Variants in RPL39L observed in about 807,000 individuals in gnomAD.
RPL39L encodes the protein ribosomal protein eL39-like 2.
For missense variants in RPL39L, 48 were observed against 58.9 expected, an observed-to-expected ratio of 0.81 and a Z score of 0.61; for synonymous variants, 16 against 20.1, an observed-to-expected ratio of 0.80 and a Z score of 0.55.
At position 187,121,118 on chromosome 3, in the gene RPL39L, T is replaced by C; in HGVS notation, c.*27A>G. 1.2e-6 allele frequency: 2 copies of C among 1,611,362 alleles called. No individual in the cohort carries two copies. Among genetic ancestry groups the C allele is most frequent in the Non-Finnish European group, 1.7e-6 (2 of 1,178,814 alleles). On this transcript the variant is annotated 3_prime_UTR_variant, in exon 3 of 3. Transcript: ENST00000296277. ...GATCGTGAACTTGATACAGCATAAA[T>C]ATGTGTGCCATCTCATGTGCAATTC...
chr3:187,121,652 AAAAAG>A (rs754078425), intron 2 of RPL39L, among the ~76,000 whole-genome samples: 1 of 152,206 alleles, frequency 6.6e-6, no homozygotes, highest in South Asian at 2.1e-4. Flanking sequence ...TTCAACTTTA[AAAAAG>A]TTACGAACAG....
chr3:187,129,085 A>C (rs1268041385), intron 1 of RPL39L, among the ~76,000 whole-genome samples: 1 of 152,246 alleles, frequency 6.6e-6, no homozygotes, highest in Non-Finnish European at 1.5e-5. Context: ...GACAGTGATG[A>C]TAGCTTAGCA....
intron 2 of RPL39L, among the ~76,000 whole-genome samples, chr3:187,123,575 T>A (rs1365913684): frequency 1.3e-5 from 2 of 152,166 alleles, no homozygotes; most frequent in Non-Finnish European, 2.9e-5. Flanking sequence ...CAGTGACTAT[T>A]TGGCTCCAAC....
At chr3:187,134,655 T>TG (rs926322075) in intron 1 of RPL39L, among the ~76,000 whole-genome samples, 4 of 152,300 alleles carry the variant, frequency 2.6e-5, no homozygotes, top group African/African-American at 9.6e-5. Flanking sequence ...CGATTCCTTA[T>TG]GAGATGGGTA....
chr3:187,121,023 A>C lies in RPL39L; in HGVS notation c.*122T>G, dbSNP rs74590407. On this transcript the variant is annotated 3_prime_UTR_variant, in exon 3 of 3. Transcript: ENST00000296277. ...CACAGAGCATACAGAAAAACAGAAA[A>C]AAATATTCCCAGTAAAACATGTGCA... The C allele has an allele frequency of 7.2e-3, 8,123 of 1,134,624 alleles. 411 individuals are homozygous for C. In the African/African-American group the frequency reaches 0.11, roughly 15 times the overall value. The allele number at this position is 1,134,624 out of a possible 1,614,324, so 70.3% of individuals were successfully genotyped here. A position where few individuals can be genotyped will look rare whatever the true frequency, so the allele number is the denominator to read the frequency against.
intron 1 of RPL39L, among the ~76,000 whole-genome samples, chr3:187,129,544 C>T (rs1055536910): frequency 6.6e-6 from 1 of 152,214 alleles, no homozygotes; most frequent in African/African-American, 2.4e-5. Context: ...TACAAAAGGA[C>T]ATCCTCACTC....
Position 187,121,336 on chromosome 3 carries a change from G to C in RPL39L, c.-28-8C>G. 1 of 1,608,004 alleles carries C rather than the reference G, an allele frequency of 6.2e-7. No individual in the cohort carries two copies. The highest frequency in any genetic ancestry group is 2.2e-5 in the East Asian group (1 of 44,842). On this transcript the variant is annotated splice_polypyrimidine_tract_variant and splice_region_variant and intron_variant, in intron 2 of 2. Transcript: ENST00000296277. The stretch of plus-strand genomic sequence containing the variant: ...AGAGTCAACCACACACCACTATGGC[G>C]GAGAAAGGGAGAGAGAGACAGAGAC...
intron 2 of RPL39L, 141 bp from the exon 3 acceptor site, chr3:187,121,469 G>A: frequency 1.3e-6 from 1 of 795,212 alleles, no homozygotes; most frequent in Non-Finnish European, 2.0e-6. Flanking sequence ...CCCACAGGCA[G>A]CTCAGGAGCA....
At chr3:187,135,636 C>T (rs1720566598) in intron 1 of RPL39L, among the ~76,000 whole-genome samples, 2 of 152,218 alleles carry the variant, frequency 1.3e-5, no homozygotes, top group Admixed American at 1.3e-4. Flanking sequence ...AAGACTAATA[C>T]AGACGGGTAA....
intron 1 of RPL39L, among the ~76,000 whole-genome samples, chr3:187,132,313 G>C (rs1363327103): frequency 6.6e-6 from 1 of 152,216 alleles, no homozygotes; most frequent in Non-Finnish European, 1.5e-5. Flanking sequence ...TTTGACAAGA[G>C]AGAATACAGA....
chr3:187,127,936 T>C (rs543087167), intron 2 of RPL39L, 63 bp downstream of exon 2: 3 of 152,300 alleles, frequency 2.0e-5, no homozygotes, highest in South Asian at 4.1e-4. Context: ...TTTAACAAAG[T>C]GTCCAATTTT....
intron 1 of RPL39L, among the ~76,000 whole-genome samples, chr3:187,137,678 C>G (rs915829061): frequency 1.3e-5 from 2 of 151,922 alleles, no homozygotes; most frequent in South Asian, 2.1e-4. Context: ...CAAAAATTAG[C>G]CGGGTGTGGT....
intron 1 of RPL39L, among the ~76,000 whole-genome samples, chr3:187,136,126 T>C (rs963919189): frequency 1.6e-4 from 25 of 152,210 alleles, no homozygotes; most frequent in African/African-American, 6.0e-4. Flanking sequence ...CATTTTATAT[T>C]CCATAACTAA....
intron 1 of RPL39L, among the ~76,000 whole-genome samples, chr3:187,134,647 A>T (rs968243510): frequency 6.6e-6 from 1 of 152,206 alleles, no homozygotes; most frequent in Non-Finnish European, 1.5e-5. Context: ...AAATGGACCG[A>T]TTCCTTATGA....
chr3:187,126,984 TTGTGGTACCTG>T (rs1443924707), intron 2 of RPL39L, among the ~76,000 whole-genome samples: 1 of 152,212 alleles, frequency 6.6e-6, no homozygotes, highest in African/African-American at 2.4e-5. Flanking sequence ...GGGCCCAAAC[TTGTGGTACCTG>T]CAGGTACCCA....
chr3:187,137,198 CA>C (rs33967617), intron 1 of RPL39L, among the ~76,000 whole-genome samples: 2,480 of 37,550 alleles, frequency 0.066, 60 homozygotes, highest in African/African-American at 0.18. Flanking sequence ...CACTCTTCCT[CA>C]AAAAAAAAAA....
chr3:187,122,223 C>T lies in RPL39L; in HGVS notation c.-28-895G>A, dbSNP rs1271534367. 3.9e-5 allele frequency among the ~76,000 whole-genome samples: 6 copies of T among 152,274 alleles called. 1 individual carries two copies. The highest frequency in any genetic ancestry group is 4.1e-4 in the South Asian group (2 of 4,822). ...AAGATCTTGGGTCCTCCATAATTAA[C>T]GAACATCAACCTGGGGCCAGAGACA... On this transcript the variant is annotated intron_variant, in intron 2 of 2. Coordinates refer to ENST00000296277, the MANE Select transcript of RPL39L (RefSeq NM_052969.3).
intron 1 of RPL39L, among the ~76,000 whole-genome samples, chr3:187,137,666 T>C (rs1399497755): frequency 6.6e-6 from 1 of 151,476 alleles, no homozygotes; most frequent in Non-Finnish European, 1.5e-5. Flanking sequence ...TTACTAAAAA[T>C]ACAAAAATTA....
intron 1 of RPL39L, among the ~76,000 whole-genome samples, chr3:187,137,596 T>C (rs1443778444): frequency 3.9e-5 from 6 of 152,088 alleles, no homozygotes; most frequent in Non-Finnish European, 8.8e-5. Flanking sequence ...GCAGATCATC[T>C]GAGGTCAGGA....
Sources: gnomAD v4.1 joint callset for allele counts (sites outside exome capture counted in the v4.1 genomes callset) on GRCh38, gnomAD v4.1.1 for gene constraint, MANE v1.5 for transcripts, NCBI Gene and HGNC (gene_info 2026-07-23, HGNC 2026-07-21) for gene names.